Variants in NHS observed in about 807,000 individuals in gnomAD.
NHS encodes NHS actin remodeling regulator.
Under a neutral mutation model 72.5 loss-of-function variants are expected in NHS, and 5 were observed. The ratio of observed to expected loss-of-function variants is 0.07; its 90% CI spans 0.04 to 0.14. NHS has a LOEUF of 0.14. Among genes scored for constraint, NHS ranks in the 10% least tolerant of loss-of-function variants. NHS has a pLI of 1.00. For missense variants in NHS, 1,072 were observed against 1,355.7 expected (o/e 0.79, Z 3.29); for synonymous variants, 464 against 547.7 (o/e 0.85, Z 2.13).
rs772528279 is a variant in NHS at position 17,687,370 on chromosome X, C to CT, written c.566-369dup. 158 of 241,929 alleles carry CT rather than the reference C, an allele frequency of 6.5e-4. 1 individual carries two copies. Among genetic ancestry groups the CT allele is most frequent in the Non-Finnish European group, 1.1e-3 (146 of 130,717 alleles). 19.9% of individuals were successfully genotyped at this position (241,929 alleles called of 1,213,427 possible). A position where few individuals can be genotyped will look rare whatever the true frequency, so the allele number is the denominator to read the frequency against. ...GCAGCCTTTCCATTCATCTCTGAGG[C>CT]TTTCCTCCACATTTTTCAGAAACAG... On this transcript the variant is annotated intron_variant, in intron 1 of 8. Transcript: ENST00000676302.
intron 1 of NHS, among the ~76,000 whole-genome samples, chrX:17,439,677 C>G (rs1230320778): frequency 8.9e-6 from 1 of 111,803 alleles, no homozygotes; most frequent in Non-Finnish European, 1.9e-5. Flanking sequence ...TATCTATTCT[C>G]CTATTGATAG....
chrX:17,431,820 C>T (rs978858037), intron 1 of NHS, among the ~76,000 whole-genome samples: 2 of 111,909 alleles, frequency 1.8e-5, no homozygotes, highest in South Asian at 3.8e-4. Context: ...ATTTCCATGA[C>T]GCAAGCAGAG....
At chrX:17,549,484 T>C (rs73443650) in intron 1 of NHS, among the ~76,000 whole-genome samples, 9,683 of 111,202 alleles carry the variant, frequency 0.087, 842 homozygotes, top group African/African-American at 0.27. Flanking sequence ...CCCAGGGCTC[T>C]CCTCCTGTTT....
Position 17,480,941 on chromosome X carries a change from C to T in NHS, c.565+104619C>T, listed in dbSNP as rs2064943588. 3.6e-5 allele frequency among the ~76,000 whole-genome samples: 4 copies of T among 111,634 alleles called. No individual in the cohort carries two copies. The South Asian group carries it at 1.5e-3, about 42-fold the overall frequency. ...GTCTAGAAACATGTGCCCATGACTT[C>T]CTTAGTACACGGCTTCCATGTAGTC... On this transcript the variant is annotated intron_variant, in intron 1 of 8. Transcript: ENST00000676302.
intron 1 of NHS, among the ~76,000 whole-genome samples, chrX:17,569,986 T>C (rs143108459): frequency 2.4e-4 from 27 of 111,794 alleles, no homozygotes; most frequent in African/African-American, 8.8e-4. Context: ...GGTACATGTA[T>C]GGTGTTATTT....
chrX:17,650,203 A>G lies in NHS; in HGVS notation c.566-37539A>G, dbSNP rs372930740. The stretch of plus-strand genomic sequence containing the variant: ...CAAAAGGTTATCCAGCCCTGGGCAA[A>G]TCACAGAACATATTACTTCCCTTGC... On this transcript the variant is annotated intron_variant, in intron 1 of 8. Coordinates refer to ENST00000676302, the MANE Select transcript of NHS (RefSeq NM_001291867.2). Among the ~76,000 whole-genome samples, 8 of 112,744 alleles carry G rather than the reference A, an allele frequency of 7.1e-5. No homozygotes were observed. In the East Asian group the frequency reaches 8.4e-4, roughly 12 times the overall value.
intron 1 of NHS, among the ~76,000 whole-genome samples, chrX:17,534,190 G>T (rs1368948859): frequency 8.9e-6 from 1 of 112,015 alleles, no homozygotes; most frequent in Admixed American, 9.4e-5. Context: ...TGCCCTGGCA[G>T]CCAGTGGGTC....
intron 1 of NHS, among the ~76,000 whole-genome samples, chrX:17,658,981 T>C (rs1177448586): frequency 8.9e-6 from 1 of 112,599 alleles, no homozygotes; most frequent in Admixed American, 9.3e-5. Context: ...GTTTATGTCT[T>C]ACATAATGTC....
chrX:17,509,919 C>T (rs1452917006), intron 1 of NHS, among the ~76,000 whole-genome samples: 1 of 112,657 alleles, frequency 8.9e-6, no homozygotes, highest in East Asian at 2.8e-4. Context: ...CAGACAATTC[C>T]AGCGTCTCTA....
chrX:17,583,206 G>A (rs779281095), intron 1 of NHS, among the ~76,000 whole-genome samples: 1 of 111,812 alleles, frequency 8.9e-6, no homozygotes, highest in Non-Finnish European at 1.9e-5. Context: ...GGAGATACAG[G>A]GGTTTGCAAG....
At chrX:17,512,198 A>G (rs2065092366) in intron 1 of NHS, among the ~76,000 whole-genome samples, 1 of 111,967 alleles carries the variant, frequency 8.9e-6, no homozygotes, top group Non-Finnish European at 1.9e-5. Context: ...TCACCATGCT[A>G]TGCAAAATTA....
At chrX:17,633,977 C>T (rs1239280005) in intron 1 of NHS, among the ~76,000 whole-genome samples, 1 of 111,667 alleles carries the variant, frequency 9.0e-6, no homozygotes, top group Non-Finnish European at 1.9e-5. Flanking sequence ...AGCCCAGGGC[C>T]ACCCTCTTTG....
In NHS at chrX:17,711,708, G is replaced by T. The variant is rs140333237; in HGVS notation, c.853-7636G>T. On this transcript the variant is annotated intron_variant, in intron 3 of 8. Transcript: ENST00000676302. The stretch of plus-strand genomic sequence containing the variant: ...GTCACACCCCAAACATCTACCAACA[G>T]GATAGGATTTAAAAGTGAATGAGCA... 4.4e-3 allele frequency among the ~76,000 whole-genome samples: 496 copies of T among 111,533 alleles called. 5 individuals carry two copies. The highest frequency in any genetic ancestry group is 0.015 in the African/African-American group (462 of 30,677).
intron 1 of NHS, among the ~76,000 whole-genome samples, chrX:17,452,235 A>G (rs1668372116): frequency 8.9e-6 from 1 of 112,003 alleles, no homozygotes; most frequent in African/African-American, 3.2e-5. Context: ...TCTAGAGGAT[A>G]TATGAAGGCT....
intron 1 of NHS, among the ~76,000 whole-genome samples, chrX:17,396,635 A>G (rs1243363946): frequency 1.8e-5 from 2 of 112,129 alleles, no homozygotes; most frequent in Non-Finnish European, 3.8e-5. Context: ...AATTCCATTT[A>G]TAAACAAAGT....
intron 3 of NHS, among the ~76,000 whole-genome samples, chrX:17,713,241 G>T (rs989194747): frequency 4.5e-5 from 5 of 111,753 alleles, no homozygotes; most frequent in African/African-American, 1.6e-4. Context: ...AAACACTCCT[G>T]CACAGGAAAA....
At chrX:17,430,257 CTTTT>C (rs1173074843) in intron 1 of NHS, among the ~76,000 whole-genome samples, 1 of 35,568 alleles carries the variant, frequency 2.8e-5, no homozygotes, top group Non-Finnish European at 4.8e-5. Flanking sequence ...TCCCCTCTTT[CTTTT>C]TCTTTCTTTC....
rs780176100 is a variant in NHS, at chrX:17,732,515, G to A, written c.*51G>A. ...AAGGCCAAAACCCTTACTCACATGA[G>A]GATGGAGGAACAGAACAGAGGACTT... On this transcript the variant is annotated 3_prime_UTR_variant, in exon 9 of 9. Coordinates refer to ENST00000676302, the MANE Select transcript of NHS (RefSeq NM_001291867.2). The A allele has an allele frequency of 4.1e-6, 5 of 1,209,415 alleles. No homozygotes were observed. The highest frequency in any genetic ancestry group is 4.5e-6 in the Non-Finnish European group (4 of 893,904).
chrX:17,391,562 G>A (rs2064445732), intron 1 of NHS, among the ~76,000 whole-genome samples: 1 of 111,841 alleles, frequency 8.9e-6, no homozygotes, highest in African/African-American at 3.3e-5. Context: ...GTATAAAAAT[G>A]GATAAAACCC....
Sources: allele counts gnomAD v4.1 joint callset (sites outside exome capture counted in the v4.1 genomes callset), GRCh38; gene constraint gnomAD v4.1.1; transcripts MANE v1.5; gene names NCBI Gene and HGNC (gene_info 2026-07-23, HGNC 2026-07-21).